NSF: variants seen among roughly 807,000 people sequenced by gnomAD.
NSF encodes the protein N-ethylmaleimide sensitive factor, vesicle fusing ATPase, also known as vesicle-fusing ATPase.
In NSF, 14 loss-of-function variants were observed where a neutral mutation model predicts 50.3. That is an observed-to-expected ratio of 0.28 (90% CI 0.18 to 0.44). NSF has a LOEUF of 0.44. Among genes scored for constraint, NSF ranks in the 20% least tolerant of loss-of-function variants. NSF has a pLI of 1.00. For missense variants in NSF, 218 were observed against 504.3 expected, an observed-to-expected ratio of 0.43 and a Z score of 5.44; for synonymous variants, 109 against 175.7, an observed-to-expected ratio of 0.62 and a Z score of 3.00.
intron 1 of NSF, among the ~76,000 whole-genome samples, chr17:46,606,138 C>G (rs1460445616): frequency 3.3e-5 from 1 of 29,902 alleles, no homozygotes; most frequent in African/African-American, 2.0e-4. Flanking sequence ...GAAATCACGC[C>G]ATTGCACTCC....
intron 17 of NSF, among the ~76,000 whole-genome samples, chr17:46,734,483 A>C (rs1177021581): frequency 6.6e-6 from 1 of 151,976 alleles, no homozygotes; most frequent in Non-Finnish European, 1.5e-5. Context: ...TACTCTCTTT[A>C]GGTATACTTT....
chr17:46,708,823 T>TATATA (rs368512144), intron 13 of NSF, among the ~76,000 whole-genome samples: 99 of 59,568 alleles, frequency 1.7e-3, no homozygotes, highest in Admixed American at 0.014. Flanking sequence ...TATATATATA[T>TATATA]TTTTTTTTTT....
chr17:46,727,727 G>A (rs1333425465), intron 16 of NSF, among the ~76,000 whole-genome samples: 1 of 152,168 alleles, frequency 6.6e-6, no homozygotes, highest in East Asian at 1.9e-4. Flanking sequence ...TCATAGCTCT[G>A]TGTAAATTCC....
At chr17:46,741,087 G>A (rs1026362818) in intron 17 of NSF, among the ~76,000 whole-genome samples, 3 of 152,168 alleles carry the variant, frequency 2.0e-5, no homozygotes, top group Non-Finnish European at 4.4e-5. Context: ...AATAAAAACA[G>A]TAGACAGCAA....
chr17:46,724,165 G>T (rs986613658), intron 15 of NSF, among the ~76,000 whole-genome samples: 1 of 152,112 alleles, frequency 6.6e-6, no homozygotes, highest in Non-Finnish European at 1.5e-5. Flanking sequence ...CTGGTTAACT[G>T]TTGTTCATGC....
intron 4 of NSF, among the ~76,000 whole-genome samples, chr17:46,635,777 A>ATTG (rs575728163): frequency 4.3e-5 from 5 of 116,704 alleles, no homozygotes; most frequent in African/African-American, 1.6e-4. Context: ...GGGAAAATAA[A>ATTG]TGTGTGTGTG....
At chr17:46,697,466 T>A (rs1448940141) in intron 12 of NSF, among the ~76,000 whole-genome samples, 1 of 148,686 alleles carries the variant, frequency 6.7e-6, no homozygotes, top group African/African-American at 2.5e-5. Context: ...CGCCTCAGCC[T>A]CCCAAAATGT....
At chr17:46,610,021 CTTTCTT>C (rs2057995258) in intron 1 of NSF, among the ~76,000 whole-genome samples, 28 of 81,262 alleles carry the variant, frequency 3.4e-4, no homozygotes, top group African/African-American at 1.1e-3. Flanking sequence ...TTCTTTCTTT[CTTTCTT>C]TCTCTCTCTC....
chr17:46,598,526 C>A (rs920694648), intron 1 of NSF, among the ~76,000 whole-genome samples: 1 of 152,222 alleles, frequency 6.6e-6, no homozygotes, highest in African/African-American at 2.4e-5. Context: ...TAGTCGAGGT[C>A]ATCTGTTTGG....
chr17:46,707,449 T>C (rs2058667812), intron 13 of NSF, among the ~76,000 whole-genome samples: 1 of 152,224 alleles, frequency 6.6e-6, no homozygotes, highest in Non-Finnish European at 1.5e-5. Flanking sequence ...AGTATATTCA[T>C]AATGTTGTAT....
At chr17:46,736,749 C>T (rs1215020970) in intron 17 of NSF, among the ~76,000 whole-genome samples, 1 of 152,152 alleles carries the variant, frequency 6.6e-6, no homozygotes, top group Non-Finnish European at 1.5e-5. Flanking sequence ...TGTATCTAAG[C>T]TTGTCTATGT....
At chr17:46,720,625 C>T (rs562136052) in intron 15 of NSF, among the ~76,000 whole-genome samples, 2 of 152,280 alleles carry the variant, frequency 1.3e-5, no homozygotes, top group Non-Finnish European at 2.9e-5. Context: ...TGCTCATTTA[C>T]GTTTTTATAT....
At position 46,633,170 on chromosome 17, in the gene NSF, AC is replaced by A. The variant is rs1478437772; in HGVS notation, c.238+2722del. On this transcript the variant is annotated intron_variant, in intron 4 of 20. Coordinates refer to ENST00000398238, the MANE Select transcript of NSF (RefSeq NM_006178.4). ...CTATTTTTATTAGAGATGGGGTTTCACCATGTTGACCAGGCTGGTCTTGAAC... is the reference window on the plus strand; with the variant it reads ...CTATTTTTATTAGAGATGGGGTTTCACATGTTGACCAGGCTGGTCTTGAAC... 3.0e-5 allele frequency among the ~76,000 whole-genome samples: 3 copies of A among 100,376 alleles called. 1 individual carries two copies. Among genetic ancestry groups the A allele is most frequent in the Non-Finnish European group, 6.6e-5 (3 of 45,456 alleles). The allele number at this position is 100,376 out of a possible 152,430, so 65.9% of individuals were successfully genotyped here.
chr17:46,703,505 AC>A (rs957061675), intron 12 of NSF, among the ~76,000 whole-genome samples: 3 of 135,430 alleles, frequency 2.2e-5, no homozygotes, highest in Non-Finnish European at 3.1e-5. Flanking sequence ...ATATGGTGAA[AC>A]CCTGTCTCTA....
chr17:46,748,035 C>A (rs766630195), intron 17 of NSF, among the ~76,000 whole-genome samples: 3 of 152,212 alleles, frequency 2.0e-5, no homozygotes, highest in Non-Finnish European at 2.9e-5. Flanking sequence ...GATCAAAGAT[C>A]AGATAGCATT....
At chr17:46,721,993 T>A (rs1266042912) in intron 15 of NSF, 9 of 1,607,910 alleles carry the variant, frequency 5.6e-6, no homozygotes, top group African/African-American at 1.3e-5. Flanking sequence ...TTATGATAGC[T>A]TTCCGACCAC....
chr17:46,681,688 G>A (rs548256319), intron 9 of NSF, among the ~76,000 whole-genome samples: 32 of 80,634 alleles, frequency 4.0e-4, no homozygotes, highest in African/African-American at 1.7e-3. Flanking sequence ...TCTGCTTGTT[G>A]GGTCCTTAAT....
chr17:46,708,752 C>T (rs2146256423), intron 13 of NSF, among the ~76,000 whole-genome samples: 1 of 147,314 alleles, frequency 6.8e-6, no homozygotes, highest in South Asian at 2.1e-4. Context: ...CCTCAGCCTC[C>T]CAGTGTGCTA....
At chr17:46,609,614 T>A (rs538884632) in intron 1 of NSF, among the ~76,000 whole-genome samples, 9 of 148,038 alleles carry the variant, frequency 6.1e-5, no homozygotes, top group Admixed American at 2.7e-4. Flanking sequence ...TATGTTTATA[T>A]TTATTAGTAA....
Sources: gnomAD v4.1 joint callset for allele counts (sites outside exome capture counted in the v4.1 genomes callset) on GRCh38, gnomAD v4.1.1 for gene constraint, MANE v1.5 for transcripts, NCBI Gene and HGNC (gene_info 2026-07-23, HGNC 2026-07-21) for gene names.